Variants in RYR2 observed in about 807,000 individuals in gnomAD.
RYR2 encodes ryanodine receptor 2.
In RYR2, 227 loss-of-function variants were observed where a neutral mutation model predicts 601.1. The observed-to-expected ratio is 0.38, with a 90% CI of 0.34 to 0.42. The LOEUF (loss-of-function observed/expected upper bound fraction) is 0.42. RYR2 is among the 10% of genes least tolerant of loss of function. RYR2 has a pLI of 1.00. For missense variants in RYR2, 4,646 were observed against 6,156.5 expected (o/e 0.75, Z 8.21); for synonymous variants, 2,223 against 2,175.1 (o/e 1.02, Z -0.61).
intron 24 of RYR2, among the ~76,000 whole-genome samples, chr1:237,523,464 G>T (rs1490381568): frequency 6.6e-6 from 1 of 152,184 alleles, no homozygotes; most frequent in African/African-American, 2.4e-5. Context: ...GCTGGGCATG[G>T]TGGCTCACGC....
chr1:237,756,772 A>G (rs1475059722), intron 81 of RYR2, among the ~76,000 whole-genome samples: 1 of 152,236 alleles, frequency 6.6e-6, no homozygotes, highest in African/African-American at 2.4e-5. Flanking sequence ...TTAGCAGGAA[A>G]GCTGCCAGAC....
rs1175295438 is a variant in RYR2 at position 237,180,646 on chromosome 1, G to GTGTA, written c.49-89850_49-89849insGTAT. Reference sequence around the variant, plus strand: ...TATGTATATGTGTATATATGTATATGTATATGTGTATATATGTATACATGT... The same window carrying GTGTA: ...TATGTATATGTGTATATATGTATATGTGTATATATGTGTATATATGTATACATGT... On this transcript the variant is annotated intron_variant, in intron 1 of 104. Transcript: ENST00000366574. The surrounding 1 kb of genome is among the most constrained non-coding windows in gnomAD (Gnocchi z 5.3). Among the ~76,000 whole-genome samples, 2 of 94,166 alleles carry GTGTA rather than the reference G, an allele frequency of 2.1e-5. No individual in the cohort carries two copies. Among genetic ancestry groups the GTGTA allele is most frequent in the Non-Finnish European group, 3.9e-5 (2 of 50,706 alleles). The allele number at this position is 94,166 out of a possible 152,430, so 61.8% of individuals were successfully genotyped here. A position where few individuals can be genotyped will look rare whatever the true frequency, so the allele number is the denominator to read the frequency against.
rs764420699 is a variant in RYR2, at chr1:237,387,271, C to T, written c.577-10C>T. ...CCTGAAGTGATGCCTCCTTTTGCCT[C>T]TTGATACAGCACTTGTCTTATGGCA... On this transcript the variant is annotated splice_polypyrimidine_tract_variant and intron_variant, in intron 8 of 104. Transcript: ENST00000366574. The T allele has an allele frequency of 6.2e-6, 10 of 1,613,638 alleles. No individual in the cohort carries two copies.
chr1:237,717,177 G>A (rs532834468), intron 71 of RYR2, 21 bp from the exon 72 acceptor site: 2 of 1,611,158 alleles, frequency 1.2e-6, no homozygotes, highest in East Asian at 4.5e-5. Context: ...TCAGATCCCA[G>A]CACTTCTCTT....
chr1:237,390,965 G>A (rs1211161026), intron 10 of RYR2, among the ~76,000 whole-genome samples: 2 of 152,166 alleles, frequency 1.3e-5, no homozygotes, highest in East Asian at 1.9e-4. Context: ...ATTATGACTC[G>A]AGGGAGAAAA....
intron 38 of RYR2, among the ~76,000 whole-genome samples, chr1:237,617,708 T>C (rs1678627037): frequency 6.6e-6 from 1 of 152,184 alleles, no homozygotes; most frequent in Non-Finnish European, 1.5e-5. Flanking sequence ...TCACCGACTC[T>C]TTGAGAAGGC....
In RYR2 at chr1:237,108,208, G is replaced by A. The variant is rs994741400; in HGVS notation, c.48+65639G>A. Among the ~76,000 whole-genome samples, 9 of 152,282 alleles carry A rather than the reference G, an allele frequency of 5.9e-5. 1 individual carries two copies. Among genetic ancestry groups the A allele is most frequent in the Middle Eastern group, 3.4e-3 (1 of 294 alleles). ...CATCAAGCACTGATTTAGACTTAGC[G>A]ACCCAGAACCTCCAGGAGAGGGGCC... On this transcript the variant is annotated intron_variant, in intron 1 of 104. Transcript: ENST00000366574.
chr1:237,233,076 A>C (rs745574521), intron 1 of RYR2, among the ~76,000 whole-genome samples: 21 of 152,224 alleles, frequency 1.4e-4, no homozygotes, highest in Middle Eastern at 3.2e-3. Context: ...GCACAGAACG[A>C]TAGGATATAG....
At chr1:237,183,067 C>G (rs774354065) in intron 1 of RYR2, among the ~76,000 whole-genome samples, 17 of 152,094 alleles carry the variant, frequency 1.1e-4, no homozygotes, top group African/African-American at 3.9e-4. Flanking sequence ...TTTGCCAACC[C>G]GATCCTGACT....
intron 1 of RYR2, among the ~76,000 whole-genome samples, chr1:237,245,480 G>A (rs1166330038): frequency 6.6e-6 from 1 of 152,080 alleles, no homozygotes; most frequent in Non-Finnish European, 1.5e-5. Context: ...AGAACGCGTA[G>A]GGAAATGCTC....
chr1:237,353,754 T>A (rs911376160), intron 3 of RYR2, among the ~76,000 whole-genome samples: 42 of 152,152 alleles, frequency 2.8e-4, no homozygotes, highest in Non-Finnish European at 5.1e-4. Context: ...TTAATGTAAT[T>A]TCCTGCAGAT....
At chr1:237,603,408 A>G (rs1676730043) in intron 35 of RYR2, among the ~76,000 whole-genome samples, 1 of 152,138 alleles carries the variant, frequency 6.6e-6, no homozygotes, top group South Asian at 2.1e-4. Context: ...TTGTTTATTC[A>G]CTGACCCCGT....
chr1:237,468,549 G>A (rs1054187051), intron 16 of RYR2, among the ~76,000 whole-genome samples: 5 of 152,110 alleles, frequency 3.3e-5, no homozygotes, highest in African/African-American at 1.2e-4. Context: ...GAAAATAAAA[G>A]GGTTTCAAAG....
At chr1:237,103,713 T>C (rs4297281) in intron 1 of RYR2, among the ~76,000 whole-genome samples, 136,675 of 152,240 alleles carry the variant, frequency 0.9, 62,196 homozygotes, top group Non-Finnish European at 0.98. Context: ...GGATTACAGG[T>C]GTGTGCCACC....
chr1:237,719,379 T>G (rs1175416083), intron 73 of RYR2, among the ~76,000 whole-genome samples: 1 of 152,132 alleles, frequency 6.6e-6, no homozygotes, highest in Non-Finnish European at 1.5e-5. Context: ...ACTGGGTAAT[T>G]TAGGAAGAAA....
At position 237,752,249 on chromosome 1, in the gene RYR2, A is replaced by C. The variant is rs553599986; in HGVS notation, c.11146-4039A>C. On this transcript the variant is annotated intron_variant, in intron 80 of 104. Transcript: ENST00000366574. ...TGCTCTGTTGCTCAGGCTGGAGTGCACTGGCGCAATCCTGGCCTCAGGTGA... is the reference window on the plus strand; with the variant it reads ...TGCTCTGTTGCTCAGGCTGGAGTGCCCTGGCGCAATCCTGGCCTCAGGTGA... Among the ~76,000 whole-genome samples the C allele has an allele frequency of 1.3e-4, 20 of 152,300 alleles. 1 individual carries two copies. Among genetic ancestry groups the C allele is most frequent in the Admixed American group, 3.3e-4 (5 of 15,304 alleles).
chr1:237,432,203 CT>C (rs61707333), intron 12 of RYR2, among the ~76,000 whole-genome samples: 95,595 of 149,460 alleles, frequency 0.64, 30,820 homozygotes, highest in African/African-American at 0.76. Flanking sequence ...TGACTTTAGG[CT>C]TTTTTTAAAA....
At chr1:237,822,911 T>G (rs1662672448) in intron 101 of RYR2, among the ~76,000 whole-genome samples, 1 of 152,150 alleles carries the variant, frequency 6.6e-6, no homozygotes, top group African/African-American at 2.4e-5. Context: ...GAACAGACTT[T>G]AAACCAACGA....
rs1299306880 is a variant in RYR2, at chr1:237,773,602, T to A, written c.11729T>A (p.Ile3910Asn). ...EQGQRNFSKA[I>N]QVAKQVFNTL... ...GGACAACGGAATTTCTCCAAAGCTA[T>A]CCAAGTGGCAAAACAAGTCTTTAAC... The change falls in exon 87 of 105, where the codon ATC (isoleucine) becomes AAC (asparagine). Residue 3910 changes from isoleucine to asparagine, a missense_variant. Ile to Asn is a moderately radical substitution (Grantham distance 149, BLOSUM62 -3). Around this residue, in one of 17 missense-constraint regions of RYR2, gnomAD observed 90 missense variants for 213.3 expected, o/e 0.42. Transcript: ENST00000366574. 6.2e-7 allele frequency: 1 copy of A among 1,611,400 alleles called. No individual in the cohort carries two copies. The highest frequency in any genetic ancestry group is 1.3e-5 in the African/African-American group (1 of 74,954).
Sources: allele counts gnomAD v4.1 joint callset (sites outside exome capture counted in the v4.1 genomes callset), GRCh38; gene constraint gnomAD v4.1.1; regional missense constraint gnomAD v4.1.1; non-coding constraint Gnocchi (gnomAD v3.1); transcripts MANE v1.5; gene names NCBI Gene and HGNC (gene_info 2026-07-23, HGNC 2026-07-21).